The following COL19A1 variants were observed in gnomAD, a reference collection of about 807,000 sequenced individuals.
COL19A1 encodes collagen alpha-1(XIX) chain.
COL19A1 carries 159 observed loss-of-function variants against 190.2 expected under a neutral mutation model. The ratio of observed to expected loss-of-function variants is 0.84; its 90% CI spans 0.73 to 0.95. COL19A1 has a LOEUF of 0.95. Ranked by LOEUF, COL19A1 falls within the 40% of genes least tolerant of loss-of-function variation. COL19A1 has a pLI of 0.00. For missense variants in COL19A1, 1,418 were observed against 1,431.9 expected (o/e 0.99, Z 0.16); for synonymous variants, 509 against 458.9 (o/e 1.11, Z -1.39).
chr6:70,026,398 A>G (rs7770758), intron 12 of COL19A1, among the ~76,000 whole-genome samples: 37,306 of 152,070 alleles, frequency 0.25, 6,469 homozygotes, highest in African/African-American at 0.49. Flanking sequence ...AGGAATCTTG[A>G]AAGAGTCCTT....
chr6:70,016,657 A>G (rs576202733), intron 11 of COL19A1, among the ~76,000 whole-genome samples: 1 of 152,192 alleles, frequency 6.6e-6, no homozygotes, highest in African/African-American at 2.4e-5. Context: ...ACTTGTATCA[A>G]TAATACATAA....
chr6:70,059,962 T>G (rs1780728039), intron 14 of COL19A1, among the ~76,000 whole-genome samples: 1 of 152,308 alleles, frequency 6.6e-6, no homozygotes, highest in East Asian at 1.9e-4. Flanking sequence ...ATGTGTGGTG[T>G]GTACAAAGAT....
At chr6:69,982,863 T>G (rs971210092) in intron 11 of COL19A1, among the ~76,000 whole-genome samples, 2 of 151,414 alleles carry the variant, frequency 1.3e-5, no homozygotes, top group Non-Finnish European at 2.9e-5. Context: ...TCCCAGCTAC[T>G]CAGGAGGCTG....
intron 14 of COL19A1, among the ~76,000 whole-genome samples, chr6:70,048,925 A>G (rs1780047292): frequency 6.6e-6 from 1 of 152,052 alleles, no homozygotes; most frequent in South Asian, 2.1e-4. Flanking sequence ...TAATTTTCTG[A>G]TGGCATTTAG....
chr6:70,105,943 G>A (rs1783933046), intron 16 of COL19A1, among the ~76,000 whole-genome samples: 1 of 152,110 alleles, frequency 6.6e-6, no homozygotes. Flanking sequence ...TAGGAAAGTT[G>A]GAGGGAGACT....
intron 4 of COL19A1, among the ~76,000 whole-genome samples, chr6:69,923,395 T>TA (rs1452618842): frequency 2.0e-5 from 3 of 152,166 alleles, no homozygotes; most frequent in Non-Finnish European, 4.4e-5. Context: ...TGAAGTTCAT[T>TA]AAAAGCTCCA....
intron 11 of COL19A1, among the ~76,000 whole-genome samples, chr6:69,998,644 CAA>C (rs34860121): frequency 2.2e-4 from 15 of 67,264 alleles, no homozygotes; most frequent in Admixed American, 5.0e-4. Flanking sequence ...GACTCCCTCT[CAA>C]AAAAAAAAAA....
intron 4 of COL19A1, among the ~76,000 whole-genome samples, chr6:69,915,388 G>T (rs1004298036): frequency 6.6e-6 from 1 of 152,056 alleles, no homozygotes; most frequent in African/African-American, 2.4e-5. Context: ...CCCCAACTTT[G>T]TCATACTTAC....
At chr6:70,168,802 G>GTCACC in intron 40 of COL19A1, 121 bp downstream of exon 40, 6 of 990,826 alleles carry the variant, frequency 6.1e-6, no homozygotes, top group Non-Finnish European at 9.2e-6. Flanking sequence ...TGCTGGTGGT[G>GTCACC]ACAAGCAGGC....
Position 70,124,744 on chromosome 6 carries a change from T to C in COL19A1, c.1341+2802T>C, listed in dbSNP as rs552327266. On this transcript the variant is annotated intron_variant, in intron 17 of 50. Coordinates refer to ENST00000620364, the MANE Select transcript of COL19A1 (RefSeq NM_001858.6). ...TCTAAATGTGACTTTAAAGCTGGAATATGACTGGATAAACAGAAAGGAGTA... is the reference window on the plus strand; with the variant it reads ...TCTAAATGTGACTTTAAAGCTGGAACATGACTGGATAAACAGAAAGGAGTA... Among the ~76,000 whole-genome samples the C allele has an allele frequency of 8.5e-5, 13 of 152,312 alleles. No homozygotes were observed. The East Asian group carries it at 2.5e-3, about 29-fold the overall frequency.
chr6:70,056,750 C>T (rs984915744), intron 14 of COL19A1, among the ~76,000 whole-genome samples: 6 of 151,898 alleles, frequency 4.0e-5, no homozygotes, highest in East Asian at 1.9e-4. Flanking sequence ...TAAAAAGAGA[C>T]GATACTTCAA....
intron 4 of COL19A1, among the ~76,000 whole-genome samples, chr6:69,917,644 G>A (rs566279480): frequency 2.0e-5 from 3 of 152,274 alleles, no homozygotes; most frequent in Non-Finnish European, 4.4e-5. Flanking sequence ...ATGGTGACTA[G>A]GGTGAGGACA....
intron 11 of COL19A1, among the ~76,000 whole-genome samples, chr6:70,008,216 C>G (rs1777754287): frequency 6.6e-6 from 1 of 151,362 alleles, no homozygotes; most frequent in Non-Finnish European, 1.5e-5. Flanking sequence ...AAAAAAATAA[C>G]TAGAAGAACA....
rs1217352455 is a variant in COL19A1 at position 69,949,373 on chromosome 6, T to A, written c.937-10623T>A. On this transcript the variant is annotated intron_variant, in intron 9 of 50. Transcript: ENST00000620364. ...AGCTGTTAAAGGGGTGTGACACTCT[T>A]GAGTGAAAAAATGCCGCCTCAATAG... Among the ~76,000 whole-genome samples the A allele has an allele frequency of 3.3e-5, 5 of 151,926 alleles. No homozygotes were observed. In the South Asian group the frequency reaches 8.3e-4, roughly 25 times the overall value.
chr6:69,960,813 A>G (rs1451969396), intron 10 of COL19A1, among the ~76,000 whole-genome samples: 2 of 151,140 alleles, frequency 1.3e-5, no homozygotes, highest in South Asian at 4.2e-4. Context: ...GTATTTTTTT[A>G]GTAGAGATGG....
At position 70,038,446 on chromosome 6, in the gene COL19A1, T is replaced by G. The variant is rs147157575; in HGVS notation, c.1170+2507T>G. Reference sequence around the variant, plus strand: ...TCCTACTCAAAAAAATTATATCAGATTGTTGAAGAAGTCCAACTTCCATTT... The same window carrying G: ...TCCTACTCAAAAAAATTATATCAGAGTGTTGAAGAAGTCCAACTTCCATTT... On this transcript the variant is annotated intron_variant, in intron 14 of 50. Transcript: ENST00000620364. Among the ~76,000 whole-genome samples, 296 of 152,338 alleles carry G rather than the reference T, an allele frequency of 1.9e-3. 2 individuals are homozygous for G. Among genetic ancestry groups the G allele is most frequent in the Middle Eastern group, 0.01 (3 of 294 alleles).
At chr6:70,095,543 T>C (rs556480591) in intron 15 of COL19A1, among the ~76,000 whole-genome samples, 11 of 152,314 alleles carry the variant, frequency 7.2e-5, no homozygotes, top group African/African-American at 2.4e-4. Context: ...GTAAAAAATA[T>C]ATAACATAAA....
At chr6:70,192,454 ATTCT>A (rs1229891970) in intron 48 of COL19A1, among the ~76,000 whole-genome samples, 3 of 149,998 alleles carry the variant, frequency 2.0e-5, no homozygotes, top group Non-Finnish European at 3.0e-5. Flanking sequence ...ATTCTCTTTC[ATTCT>A]TTCTTCTTCT....
chr6:69,989,553 C>CTTTTTTTTTTTT (rs3072698), intron 11 of COL19A1, among the ~76,000 whole-genome samples: 4 of 126,352 alleles, frequency 3.2e-5, no homozygotes, highest in African/African-American at 1.3e-4. Flanking sequence ...GAGTTTTTTA[C>CTTTTTTTTTTTT]TTTTTTTTTT....
Sources: gnomAD v4.1 joint callset for allele counts (sites outside exome capture counted in the v4.1 genomes callset) on GRCh38, gnomAD v4.1.1 for gene constraint, MANE v1.5 for transcripts, NCBI Gene and HGNC (gene_info 2026-07-23, HGNC 2026-07-21) for gene names.